The following MKLN1 variants were observed in gnomAD, a reference collection of about 807,000 sequenced individuals.
The protein encoded by MKLN1 is muskelin 1.
In MKLN1, 18 loss-of-function variants were observed where a neutral mutation model predicts 99.0. The observed-to-expected ratio is 0.18, with a 90% CI of 0.13 to 0.27. MKLN1 has a LOEUF of 0.27. Among genes scored for constraint, MKLN1 ranks in the 10% least tolerant of loss-of-function variants. The pLI is 1.00. For missense variants in MKLN1, 621 were observed against 875.9 expected, an observed-to-expected ratio of 0.71 and a Z score of 3.67; for synonymous variants, 288 against 293.2, an observed-to-expected ratio of 0.98 and a Z score of 0.18.
intron 2 of MKLN1, among the ~76,000 whole-genome samples, chr7:131,158,471 G>A (rs1462629479): frequency 1.3e-5 from 2 of 152,096 alleles, no homozygotes; most frequent in African/African-American, 4.8e-5. Context: ...TTATTAACCT[G>A]TGTACATACT....
chr7:131,423,852 A>G (rs1464113992), intron 8 of MKLN1, among the ~76,000 whole-genome samples: 1 of 152,244 alleles, frequency 6.6e-6, no homozygotes, highest in Non-Finnish European at 1.5e-5. Flanking sequence ...ATATTGTCAT[A>G]GGCATAACAA....
chr7:131,409,799 A>G (rs2116316982), intron 6 of MKLN1, among the ~76,000 whole-genome samples: 1 of 152,338 alleles, frequency 6.6e-6, no homozygotes, highest in Admixed American at 6.5e-5. Flanking sequence ...ATTGTAGCAC[A>G]TAGCAAGAAG....
chr7:131,200,955 G>T (rs1796718178), intron 2 of MKLN1, among the ~76,000 whole-genome samples: 1 of 152,172 alleles, frequency 6.6e-6, no homozygotes. Flanking sequence ...AAGCCACGTT[G>T]TATGTAAAGG....
intron 6 of MKLN1, among the ~76,000 whole-genome samples, chr7:131,401,422 A>G (rs1165847938): frequency 1.3e-5 from 2 of 152,154 alleles, no homozygotes; most frequent in African/African-American, 2.4e-5. Context: ...ACATGTAGAG[A>G]TTGTACTGAA....
chr7:131,436,546 A>AT (rs1176223118), intron 9 of MKLN1, among the ~76,000 whole-genome samples: 1 of 152,176 alleles, frequency 6.6e-6, no homozygotes, highest in Admixed American at 6.5e-5. Flanking sequence ...AAGGGCGTAG[A>AT]TTTGCTATCT....
At chr7:131,432,109 T>G (rs1584736404) in intron 9 of MKLN1, among the ~76,000 whole-genome samples, 1 of 152,240 alleles carries the variant, frequency 6.6e-6, no homozygotes, top group Non-Finnish European at 1.5e-5. Flanking sequence ...CTATCTGAAT[T>G]CCTTAAAGGC....
chr7:131,418,442 GGAA>G (rs1304459672), intron 8 of MKLN1, among the ~76,000 whole-genome samples: 1 of 150,802 alleles, frequency 6.6e-6, no homozygotes, highest in Admixed American at 6.6e-5. Context: ...GGGCCACATT[GGAA>G]GAAGAATTGT....
At chr7:131,462,064 A>G (rs1796531325) in intron 12 of MKLN1, among the ~76,000 whole-genome samples, 1 of 152,038 alleles carries the variant, frequency 6.6e-6, no homozygotes, top group Admixed American at 6.6e-5. Context: ...ACAGAGTCTT[A>G]CTCTGTCACT....
chr7:131,321,645 G>A (rs780171566), intron 3 of MKLN1, among the ~76,000 whole-genome samples: 7 of 152,048 alleles, frequency 4.6e-5, no homozygotes, highest in Non-Finnish European at 7.4e-5. Flanking sequence ...AGCACAAATA[G>A]CTGTTATTCC....
intron 3 of MKLN1, among the ~76,000 whole-genome samples, chr7:131,263,369 AAT>A (rs1458113438): frequency 1.8e-5 from 1 of 55,816 alleles, no homozygotes; most frequent in African/African-American, 3.9e-5. Context: ...TAATAATAAT[AAT>A]AAAATTAGCT....
intron 6 of MKLN1, among the ~76,000 whole-genome samples, chr7:131,404,017 C>A (rs1407699253): frequency 1.3e-5 from 2 of 152,156 alleles, no homozygotes; most frequent in African/African-American, 4.8e-5. Flanking sequence ...AATTGATTTT[C>A]TGTTTTTAAT....
chr7:131,263,926 C>A (rs1205118760), intron 3 of MKLN1, among the ~76,000 whole-genome samples: 1 of 152,104 alleles, frequency 6.6e-6, no homozygotes, highest in Non-Finnish European at 1.5e-5. Context: ...TAAAGGGACT[C>A]TGAGGAGTTG....
chr7:131,135,770 G>A (rs888271052), intron 1 of MKLN1, among the ~76,000 whole-genome samples: 2 of 152,192 alleles, frequency 1.3e-5, no homozygotes, highest in African/African-American at 4.8e-5. Flanking sequence ...AGGGGCAAAA[G>A]GCTGACTGGA....
chr7:131,356,793 C>T (rs974521843), intron 1 of MKLN1, among the ~76,000 whole-genome samples: 1 of 152,168 alleles, frequency 6.6e-6, no homozygotes, highest in Non-Finnish European at 1.5e-5. Flanking sequence ...AATATGTTGC[C>T]GGTGGCAGAT....
intron 7 of MKLN1, among the ~76,000 whole-genome samples, chr7:131,413,020 A>G (rs1747504821): frequency 6.6e-6 from 1 of 152,238 alleles, no homozygotes; most frequent in Admixed American, 6.5e-5. Context: ...TTTGCAAACT[A>G]ATGGATTCAA....
intron 2 of MKLN1, among the ~76,000 whole-genome samples, chr7:131,181,955 C>T (rs552971250): frequency 7.9e-5 from 12 of 152,242 alleles, no homozygotes; most frequent in East Asian, 3.9e-4. Flanking sequence ...CCACCACACC[C>T]GGCCCCCATC....
At chr7:131,214,343 G>A (rs78517633) in intron 3 of MKLN1, among the ~76,000 whole-genome samples, 12,184 of 152,210 alleles carry the variant, frequency 0.08, 508 homozygotes, top group Middle Eastern at 0.11. Context: ...AAGTGGAATT[G>A]TGCTAGAGTG....
At chr7:131,463,433 A>C in intron 13 of MKLN1, 69 bp downstream of exon 13, 1 of 1,476,852 alleles carries the variant, frequency 6.8e-7, no homozygotes. Flanking sequence ...TTATTCAAAA[A>C]AGAGAGAAAT....
chr7:131,297,225 G>A (rs559573214), intron 3 of MKLN1, among the ~76,000 whole-genome samples: 27 of 152,186 alleles, frequency 1.8e-4, no homozygotes, highest in Non-Finnish European at 3.2e-4. Flanking sequence ...GCCACGTGTG[G>A]TGGCGTGCGC....
Sources: gnomAD v4.1 joint callset for allele counts (sites outside exome capture counted in the v4.1 genomes callset) on GRCh38, gnomAD v4.1.1 for gene constraint, MANE v1.5 for transcripts, NCBI Gene and HGNC (gene_info 2026-07-23, HGNC 2026-07-21) for gene names.